The following SH2D4A variants were observed in gnomAD, a reference collection of about 807,000 sequenced individuals.
The protein encoded by SH2D4A is SH2 domain-containing protein 4A.
A neutral mutation model predicts 64.7 loss-of-function variants in SH2D4A; 70 were observed. The observed-to-expected ratio is 1.08, with a 90% confidence interval of 0.89 to 1.32. The LOEUF is 1.32. SH2D4A is among the 40% of genes most tolerant of loss of function. The pLI, the probability that SH2D4A is intolerant of heterozygous loss-of-function variation, is 0.00. For missense variants in SH2D4A, 706 were observed against 540.1 expected (o/e 1.31, Z -3.04); for synonymous variants, 268 against 200.7 (o/e 1.34, Z -2.83).
chr8:19,349,169 C>G (rs1483259709), intron 4 of SH2D4A, among the ~76,000 whole-genome samples: 1 of 152,118 alleles, frequency 6.6e-6, no homozygotes, highest in Admixed American at 6.6e-5. Flanking sequence ...ATTGGACATA[C>G]CAGGTAAAAA....
Position 19,388,099 on chromosome 8 carries a change from C to T in SH2D4A, c.1049-5219C>T, listed in dbSNP as rs974591687. ...TTAAGTTGCCAAGGTGAGAAATGAA[C>T]ACCCCTTTGTGAAATAAAGACTCAT... On this transcript the variant is annotated intron_variant, in intron 8 of 9. Coordinates refer to ENST00000265807, the MANE Select transcript of SH2D4A (RefSeq NM_022071.4). Among the ~76,000 whole-genome samples the T allele has an allele frequency of 7.9e-5, 12 of 152,268 alleles. 1 individual carries two copies. The highest frequency in any genetic ancestry group is 1.6e-4 in the Non-Finnish European group (11 of 68,036).
intron 7 of SH2D4A, among the ~76,000 whole-genome samples, chr8:19,365,112 C>A (rs1405611561): frequency 6.6e-6 from 1 of 152,200 alleles, no homozygotes; most frequent in Non-Finnish European, 1.5e-5. Context: ...ATTTGAAATA[C>A]TTCTCTAAGA....
At chr8:19,339,769 G>A (rs1326676009) in intron 4 of SH2D4A, among the ~76,000 whole-genome samples, 1 of 152,040 alleles carries the variant, frequency 6.6e-6, no homozygotes, top group African/African-American at 2.4e-5. Flanking sequence ...CCAAAGTTCT[G>A]GGATTACAGG....
At chr8:19,392,463 C>G (rs1340196229) in intron 8 of SH2D4A, among the ~76,000 whole-genome samples, 1 of 152,148 alleles carries the variant, frequency 6.6e-6, no homozygotes, top group Non-Finnish European at 1.5e-5. Context: ...TCCCTGACCT[C>G]TAACCCCATC....
intron 6 of SH2D4A, 136 bp downstream of exon 6, chr8:19,361,450 A>C: frequency 2.4e-6 from 2 of 837,912 alleles, no homozygotes; most frequent in Non-Finnish European, 3.3e-6. Flanking sequence ...CTCAAATGTT[A>C]TTACTAACTT....
chr8:19,393,885 C>T (rs1167148921), intron 9 of SH2D4A, among the ~76,000 whole-genome samples: 1 of 152,214 alleles, frequency 6.6e-6, no homozygotes, highest in Non-Finnish European at 1.5e-5. Flanking sequence ...TCCATGGACT[C>T]AGTGTTGGGG....
At chr8:19,384,316 G>T (rs576673477) in intron 8 of SH2D4A, among the ~76,000 whole-genome samples, 1 of 152,250 alleles carries the variant, frequency 6.6e-6, no homozygotes, top group East Asian at 1.9e-4. Flanking sequence ...GGGAGGGATG[G>T]TGCAAAGAGA....
intron 8 of SH2D4A, among the ~76,000 whole-genome samples, chr8:19,385,744 T>C (rs746610711): frequency 5.9e-5 from 9 of 152,144 alleles, no homozygotes; most frequent in Non-Finnish European, 1.3e-4. Context: ...ACTGAATAGG[T>C]TGCATTAAGA....
intron 2 of SH2D4A, among the ~76,000 whole-genome samples, chr8:19,327,651 G>A (rs913518217): frequency 6.6e-6 from 1 of 152,122 alleles, no homozygotes; most frequent in Non-Finnish European, 1.5e-5. Context: ...CCCTGCCTGT[G>A]TTTCCCCCAT....
In SH2D4A at chr8:19,313,739, C is replaced by T. The variant is rs945735828; in HGVS notation, c.-289C>T. On this transcript the variant is annotated 5_prime_UTR_variant, in exon 1 of 10. Coordinates refer to ENST00000265807, the MANE Select transcript of SH2D4A (RefSeq NM_022071.4). ...GCCGCTTGGGACGCCTCTGCCTTTC[C>T]CTCCCTCCCTTCCCCGACGGCTTCT... The T allele has an allele frequency of 5.3e-6, 8 of 1,508,704 alleles. No individual in the cohort carries two copies. The African/African-American group carries it at 5.7e-5, about 11-fold the overall frequency. The allele number at this position is 1,508,704 out of a possible 1,614,324, so 93.5% of individuals were successfully genotyped here.
chr8:19,366,570 G>A (rs1203188928), intron 7 of SH2D4A, among the ~76,000 whole-genome samples: 1 of 152,160 alleles, frequency 6.6e-6, no homozygotes, highest in Non-Finnish European at 1.5e-5. Context: ...GCCGAGGTGG[G>A]TGGATCATGA....
At position 19,313,779 on chromosome 8, in the gene SH2D4A, T is replaced by C. The variant is rs774642136; in HGVS notation, c.-249T>C. 111 of 1,512,470 alleles carry C rather than the reference T, an allele frequency of 7.3e-5. No homozygotes were observed. Among genetic ancestry groups the C allele is most frequent in the Middle Eastern group, 3.4e-4 (2 of 5,888 alleles). 93.7% of individuals were successfully genotyped at this position (1,512,470 alleles called of 1,614,324 possible). On this transcript the variant is annotated 5_prime_UTR_variant, in exon 1 of 10. An upstream start codon of the reference 5' UTR is lost. Coordinates refer to ENST00000265807, the MANE Select transcript of SH2D4A (RefSeq NM_022071.4). ...CGACGGCTTCTGGCGGCCAAGTGGA[T>C]GTGGCGGGTGATCGAGCCACCCTGC...
At chr8:19,332,699 A>G (rs909045238) in intron 2 of SH2D4A, among the ~76,000 whole-genome samples, 58 of 109,424 alleles carry the variant, frequency 5.3e-4, no homozygotes, top group African/African-American at 2.0e-3. Context: ...GTCAAAAAAA[A>G]AAAAAAAAAA....
chr8:19,389,108 T>C (rs949319931), intron 8 of SH2D4A, among the ~76,000 whole-genome samples: 6 of 152,180 alleles, frequency 3.9e-5, no homozygotes, highest in East Asian at 3.9e-4. Context: ...GGACACGTCA[T>C]GTTCTGGAGT....
At position 19,364,191 on chromosome 8, in the gene SH2D4A, C is replaced by A; in HGVS notation, c.826C>A (p.Pro276Thr). 6.2e-7 allele frequency: 1 copy of A among 1,614,144 alleles called. No individual in the cohort carries two copies. Among genetic ancestry groups the A allele is most frequent in the Non-Finnish European group, 8.5e-7 (1 of 1,179,994 alleles). The part of the protein sequence containing the change: ...KGRGGERLQS[P>T]LRVPQKPERP... Reference sequence around the variant, plus strand: ...AAGAGGCGGTGAGAGGCTGCAAAGCCCCTTGCGTGTTCCGCAGAAACCAGA... The same window carrying A: ...AAGAGGCGGTGAGAGGCTGCAAAGCACCTTGCGTGTTCCGCAGAAACCAGA... The change falls in exon 7 of 10, where the codon CCC becomes ACC. Residue 276 changes from proline to threonine, a missense_variant. By Grantham distance (38) the Pro-to-Thr change is conservative. Coordinates refer to ENST00000265807, the MANE Select transcript of SH2D4A (RefSeq NM_022071.4).
Position 19,361,369 on chromosome 8 carries a change from C to G in SH2D4A, c.706+55C>G, listed in dbSNP as rs939292814. On this transcript the variant is annotated intron_variant, in intron 6 of 9. Coordinates refer to ENST00000265807, the MANE Select transcript of SH2D4A (RefSeq NM_022071.4). ...TCCAGGCTCTCAGCTGATTCTCTCC[C>G]TTAATAATGTGATCAATCTAGAAAG... 4 of 1,516,902 alleles carry G rather than the reference C, an allele frequency of 2.6e-6. No homozygotes were observed. In the East Asian group the frequency reaches 9.4e-5, roughly 35 times the overall value. The allele number at this position is 1,516,902 out of a possible 1,614,324, so 94.0% of individuals were successfully genotyped here.
chr8:19,364,126 GAGA>G lies in SH2D4A; in HGVS notation c.765_767del (p.Glu255del), dbSNP rs751961337. 1 of 1,614,098 alleles carries G rather than the reference GAGA, an allele frequency of 6.2e-7. No homozygotes were observed. Among genetic ancestry groups the G allele is most frequent in the South Asian group, 1.1e-5 (1 of 91,080 alleles). On this transcript the variant is annotated inframe_deletion, in exon 7 of 10. Coordinates refer to ENST00000265807, the MANE Select transcript of SH2D4A (RefSeq NM_022071.4). ...AGACGCTCCTTGGCTAAACAAGCAC[GAGA>G]AGACTACAAGAGGTTATCCCTCGGG...
At chr8:19,315,132 C>T (rs1169806172) in intron 1 of SH2D4A, among the ~76,000 whole-genome samples, 1 of 151,864 alleles carries the variant, frequency 6.6e-6, no homozygotes, top group Admixed American at 6.5e-5. Flanking sequence ...ACTTTTGCAC[C>T]GACCTAATGT....
At chr8:19,316,015 A>G (rs1471210213) in intron 1 of SH2D4A, among the ~76,000 whole-genome samples, 1 of 152,132 alleles carries the variant, frequency 6.6e-6, no homozygotes, top group Non-Finnish European at 1.5e-5. Flanking sequence ...CTGGGAGTTG[A>G]GGCTGGAGTG....
Sources: gnomAD v4.1 joint callset for allele counts (sites outside exome capture counted in the v4.1 genomes callset) on GRCh38, gnomAD v4.1.1 for gene constraint, MANE v1.5 for transcripts, NCBI Gene and HGNC (gene_info 2026-07-23, HGNC 2026-07-21) for gene names.